The following RBFOX1 variants were observed in gnomAD, a reference collection of about 807,000 sequenced individuals.
RBFOX1 encodes RNA binding fox-1 homolog 1.
In RBFOX1, 8 loss-of-function variants were observed where a neutral mutation model predicts 57.7. The observed-to-expected ratio is 0.14, with a 90% CI of 0.08 to 0.25. The LOEUF (loss-of-function observed/expected upper bound fraction) is 0.25. RBFOX1 is among the 10% of genes least tolerant of loss of function. RBFOX1 has a pLI of 1.00. For synonymous variants in RBFOX1, 326 were observed against 222.4 expected (o/e 1.47, Z -4.15); for missense variants, 611 against 548.5 (o/e 1.11, Z -1.14).
intron 2 of RBFOX1, among the ~76,000 whole-genome samples, chr16:6,546,331 G>A (rs1474864286): frequency 2.0e-5 from 3 of 152,162 alleles, no homozygotes; most frequent in Non-Finnish European, 4.4e-5. Flanking sequence ...GTAAGATAGG[G>A]TATTAGTTAG....
chr16:7,421,945 C>T (rs906506275), intron 4 of RBFOX1, among the ~76,000 whole-genome samples: 1 of 152,142 alleles, frequency 6.6e-6, no homozygotes, highest in African/African-American at 2.4e-5. Flanking sequence ...ATGTCATGCC[C>T]AGTCCCTAAA....
At chr16:5,610,288 A>C (rs974684078) in intron 3 of RBFOX1, 2 of 152,248 alleles carry the variant, frequency 1.3e-5, no homozygotes, top group Non-Finnish European at 2.9e-5. Flanking sequence ...CAGCTGCTGT[A>C]CACTCGCTAT....
At chr16:6,653,762 ATGGGTGGATGGATGGATAGG>A (rs886460398) in intron 2 of RBFOX1, among the ~76,000 whole-genome samples, 3 of 151,594 alleles carry the variant, frequency 2.0e-5, no homozygotes, top group African/African-American at 7.3e-5. Context: ...GGGTAGATGA[ATGGGTGGATGGATGGATAGG>A]TGGGTGGATG....
chr16:6,316,429 G>A (rs2152775414), intron 1 of RBFOX1, among the ~76,000 whole-genome samples: 1 of 152,248 alleles, frequency 6.6e-6, no homozygotes, highest in African/African-American at 2.4e-5. Flanking sequence ...TCTACTCATT[G>A]CAAAATTAAA....
At chr16:7,493,654 A>G (rs1834637926) in intron 4 of RBFOX1, among the ~76,000 whole-genome samples, 1 of 152,252 alleles carries the variant, frequency 6.6e-6, no homozygotes, top group African/African-American at 2.4e-5. Flanking sequence ...TTGGAGAAAG[A>G]GACCACAAGG....
At chr16:6,260,215 A>T (rs1383762601) in intron 1 of RBFOX1, among the ~76,000 whole-genome samples, 1 of 152,160 alleles carries the variant, frequency 6.6e-6, no homozygotes. Context: ...GTGGTCCCTG[A>T]CAATTGATAT....
chr16:5,582,769 G>C (rs1435580880), intron 2 of RBFOX1, among the ~76,000 whole-genome samples: 1 of 152,056 alleles, frequency 6.6e-6, no homozygotes, highest in African/African-American at 2.4e-5. Context: ...TGCCTCGGAT[G>C]ACCCTGGGAA....
At chr16:7,583,219 G>C (rs1031167162) in intron 6 of RBFOX1, among the ~76,000 whole-genome samples, 17 of 149,858 alleles carry the variant, frequency 1.1e-4, no homozygotes, top group Non-Finnish European at 2.4e-4. Context: ...AGTATACAAA[G>C]CAGAAGCCAT....
intron 14 of RBFOX1, among the ~76,000 whole-genome samples, chr16:7,703,300 G>T (rs1026840249): frequency 1.3e-5 from 2 of 152,188 alleles, no homozygotes; most frequent in African/African-American, 4.8e-5. Flanking sequence ...TGCATACTCT[G>T]CAGCCCTTCT....
intron 1 of RBFOX1, among the ~76,000 whole-genome samples, chr16:6,100,916 T>C (rs2096298801): frequency 6.6e-6 from 1 of 152,172 alleles, no homozygotes; most frequent in African/African-American, 2.4e-5. Flanking sequence ...TTCAGAGGGA[T>C]GACTGTGTGG....
chr16:5,866,387 G>C (rs767997180), intron 3 of RBFOX1, among the ~76,000 whole-genome samples: 1 of 152,174 alleles, frequency 6.6e-6, no homozygotes, highest in Non-Finnish European at 1.5e-5. Flanking sequence ...TGGGGGTTAG[G>C]GGTTCATTAT....
intron 2 of RBFOX1, among the ~76,000 whole-genome samples, chr16:6,651,151 C>T (rs1450268290): frequency 1.3e-5 from 2 of 152,196 alleles, no homozygotes; most frequent in Admixed American, 6.5e-5. Context: ...ATCCACCCGC[C>T]TCAGTCTCCC....
chr16:6,473,323 CAATT>C (rs2095220339), intron 2 of RBFOX1, among the ~76,000 whole-genome samples: 1 of 152,050 alleles, frequency 6.6e-6, no homozygotes, highest in African/African-American at 2.4e-5. Flanking sequence ...AGCAAGTGCT[CAATT>C]AATCCTTGAA....
intron 4 of RBFOX1, among the ~76,000 whole-genome samples, chr16:5,959,192 C>T (rs563681188): frequency 6.6e-6 from 1 of 152,336 alleles, no homozygotes; most frequent in East Asian, 1.9e-4. Context: ...AAGCATCAGA[C>T]AGTGGCTTTC....
At chr16:6,304,088 G>A (rs112920314) in intron 1 of RBFOX1, among the ~76,000 whole-genome samples, 4,748 of 151,814 alleles carry the variant, frequency 0.031, 105 homozygotes, top group Middle Eastern at 0.12. Flanking sequence ...GGGATTACAG[G>A]TGTGAGCCAC....
intron 15 of RBFOX1, chr16:7,710,248 C>G (rs1044550541): frequency 9.3e-7 from 1 of 1,073,974 alleles, no homozygotes. Flanking sequence ...AACACCTAGT[C>G]CACATGAGGA....
In RBFOX1 at chr16:6,441,191, C is replaced by T. The variant is rs9933561; in HGVS notation, c.-64+124134C>T. Among the ~76,000 whole-genome samples the T allele has an allele frequency of 2.6e-5, 4 of 151,962 alleles. No homozygotes were observed. In the South Asian group the frequency reaches 8.3e-4, roughly 32 times the overall value. ...GATGGCAGCTGTATGAGGGATGGGGCTAATAATGTCTAATGCCGCTGATCT... is the reference window on the plus strand; with the variant it reads ...GATGGCAGCTGTATGAGGGATGGGGTTAATAATGTCTAATGCCGCTGATCT... On this transcript the variant is annotated intron_variant, in intron 2 of 15. Coordinates refer to ENST00000550418, the MANE Select transcript of RBFOX1 (RefSeq NM_018723.4).
At chr16:7,028,255 T>A (rs891422611) in intron 3 of RBFOX1, among the ~76,000 whole-genome samples, 1 of 152,116 alleles carries the variant, frequency 6.6e-6, no homozygotes, top group Non-Finnish European at 1.5e-5. Flanking sequence ...TTGCTCTACG[T>A]GTAAGCCATT....
intron 4 of RBFOX1, among the ~76,000 whole-genome samples, chr16:5,919,948 C>CT (rs201024132): frequency 0.065 from 9,861 of 152,088 alleles, 437 homozygotes; most frequent in African/African-American, 0.11. Context: ...TCAGTACTTC[C>CT]ATTTTTTTTA....
Sources: allele counts gnomAD v4.1 joint callset (sites outside exome capture counted in the v4.1 genomes callset), GRCh38; gene constraint gnomAD v4.1.1; transcripts MANE v1.5; gene names NCBI Gene and HGNC (gene_info 2026-07-23, HGNC 2026-07-21).